CSMD1: variants seen among roughly 807,000 people sequenced by gnomAD.
The protein encoded by CSMD1 is CUB and Sushi multiple domains 1.
In CSMD1, 213 loss-of-function variants were observed where a neutral mutation model predicts 417.5. That is an observed-to-expected ratio of 0.51 (90% CI 0.46 to 0.57). CSMD1 has a LOEUF of 0.57. Ranked by LOEUF, CSMD1 falls within the 20% of genes least tolerant of loss-of-function variation. The pLI is 0.00. For missense variants in CSMD1, 6,923 were observed against 4,529.7 expected, an observed-to-expected ratio of 1.53 and a Z score of -15.17; for synonymous variants, 2,862 against 1,736.8, an observed-to-expected ratio of 1.65 and a Z score of -16.11.
intron 54 of CSMD1, among the ~76,000 whole-genome samples, chr8:2,982,817 G>A (rs1367722853): frequency 3.3e-5 from 5 of 152,134 alleles, no homozygotes; most frequent in Non-Finnish European, 7.3e-5. Context: ...ACAGAGAAAC[G>A]TGATAATTCC....
intron 6 of CSMD1, among the ~76,000 whole-genome samples, chr8:3,732,722 T>G (rs2048642695): frequency 6.6e-6 from 1 of 152,152 alleles, no homozygotes; most frequent in Admixed American, 6.5e-5. Flanking sequence ...CCAGATGAAC[T>G]GAACCTTCAA....
chr8:3,970,525 C>G (rs568578645), intron 5 of CSMD1, among the ~76,000 whole-genome samples: 3 of 151,968 alleles, frequency 2.0e-5, no homozygotes, highest in African/African-American at 7.3e-5. Context: ...TCCAGGAGGA[C>G]GATTAAGGAC....
chr8:4,075,679 A>G (rs1799784374), intron 3 of CSMD1, among the ~76,000 whole-genome samples: 1 of 152,182 alleles, frequency 6.6e-6, no homozygotes, highest in African/African-American at 2.4e-5. Context: ...GTTTTGGAGC[A>G]CTGGATTCAT....
At chr8:3,249,849 G>A (rs538542222) in intron 26 of CSMD1, among the ~76,000 whole-genome samples, 2 of 152,260 alleles carry the variant, frequency 1.3e-5, no homozygotes, top group South Asian at 2.1e-4. Flanking sequence ...ATGGCTAATG[G>A]CACTGTGTTT....
chr8:3,109,497 A>C (rs1351136256), intron 43 of CSMD1, among the ~76,000 whole-genome samples: 1 of 151,936 alleles, frequency 6.6e-6, no homozygotes, highest in African/African-American at 2.4e-5. Flanking sequence ...TACTTCCACA[A>C]CCTCAAAGCC....
intron 7 of CSMD1, among the ~76,000 whole-genome samples, chr8:3,650,779 G>C (rs943921769): frequency 3.3e-5 from 5 of 152,124 alleles, no homozygotes; most frequent in Non-Finnish European, 5.9e-5. Flanking sequence ...TTTTTCTAAA[G>C]AGTTTCCACC....
intron 6 of CSMD1, among the ~76,000 whole-genome samples, chr8:3,730,463 G>T (rs1245847149): frequency 6.8e-6 from 1 of 147,384 alleles, no homozygotes; most frequent in Middle Eastern, 3.4e-3. Flanking sequence ...TGTCTAAGAA[G>T]GCTCTCAAGA....
intron 26 of CSMD1, among the ~76,000 whole-genome samples, chr8:3,252,992 G>A (rs1297213938): frequency 1.3e-5 from 2 of 152,010 alleles, no homozygotes; most frequent in Non-Finnish European, 2.9e-5. Flanking sequence ...TATCAATTTT[G>A]TTGATCTTTT....
At position 3,872,632 on chromosome 8, in the gene CSMD1, T is replaced by A. The variant is rs923933481; in HGVS notation, c.819-118590A>T. ...CATGTCAGTTTCCACAATCCATTCA[T>A]TTTCTCTTAATTTATTAATGAGTTT... On this transcript the variant is annotated intron_variant, in intron 5 of 69. Transcript: ENST00000635120. 1.8e-4 allele frequency among the ~76,000 whole-genome samples: 28 copies of A among 152,260 alleles called. 1 individual carries two copies. Among genetic ancestry groups the A allele is most frequent in the Middle Eastern group, 6.8e-3 (2 of 294 alleles).
intron 52 of CSMD1, among the ~76,000 whole-genome samples, 189 bp from the exon 53 acceptor site, chr8:3,000,320 T>G (rs1368781634): frequency 1.3e-5 from 2 of 151,630 alleles, no homozygotes; most frequent in African/African-American, 4.8e-5. Flanking sequence ...TCAGAAATCC[T>G]GGAAAAAATA....
chr8:3,020,184 T>C (rs1809245147), intron 51 of CSMD1, among the ~76,000 whole-genome samples: 2 of 152,230 alleles, frequency 1.3e-5, no homozygotes, highest in African/African-American at 4.8e-5. Context: ...TCCTACTGCA[T>C]AGGCTTGTGC....
intron 3 of CSMD1, among the ~76,000 whole-genome samples, chr8:4,249,090 C>T (rs7011094): frequency 0.094 from 14,267 of 152,162 alleles, 982 homozygotes; most frequent in East Asian, 0.36. Context: ...TCATGATCAC[C>T]ACTACAGACT....
intron 10 of CSMD1, among the ~76,000 whole-genome samples, chr8:3,547,033 G>A (rs1463467812): frequency 2.6e-5 from 4 of 152,124 alleles, no homozygotes; most frequent in Non-Finnish European, 4.4e-5. Flanking sequence ...GCTGGTCAGG[G>A]CCCCTTCTCT....
In CSMD1 at chr8:3,217,106, G is replaced by C. The variant is rs571567427; in HGVS notation, c.4672+2149C>G. 2.4e-4 allele frequency among the ~76,000 whole-genome samples: 36 copies of C among 152,244 alleles called. 2 individuals are homozygous for C. In the South Asian group the frequency reaches 5.4e-3, roughly 23 times the overall value. ...TGGATACAATAGCATCACTGCCCTA[G>C]GCTGGATGCAATGGCATCACTGCTC... On this transcript the variant is annotated intron_variant, in intron 29 of 69. Transcript: ENST00000635120.
chr8:3,929,713 G>A (rs538602923), intron 5 of CSMD1, among the ~76,000 whole-genome samples: 1 of 149,518 alleles, frequency 6.7e-6, no homozygotes, highest in East Asian at 2.0e-4. Flanking sequence ...CCAGGCTGGA[G>A]TGCATTGGCA....
chr8:4,384,880 T>TTC (rs1803343700), intron 3 of CSMD1, among the ~76,000 whole-genome samples: 1 of 127,914 alleles, frequency 7.8e-6, no homozygotes, highest in Non-Finnish European at 1.9e-5. Context: ...ACTGCTCTAA[T>TTC]TTCTGGTGAC....
At position 3,815,568 on chromosome 8, in the gene CSMD1, G is replaced by A. The variant is rs182671920; in HGVS notation, c.819-61526C>T. On this transcript the variant is annotated intron_variant, in intron 5 of 69. Transcript: ENST00000635120. The stretch of plus-strand genomic sequence containing the variant: ...AAAACTGTGCTTTTGAAAAAATACT[G>A]CTTTGAAATTACATAAAAATTAATA... Among the ~76,000 whole-genome samples, 11 of 150,634 alleles carry A rather than the reference G, an allele frequency of 7.3e-5. No homozygotes were observed. In the East Asian group the frequency reaches 1.4e-3, roughly 19 times the overall value.
At chr8:4,122,679 G>A (rs923502564) in intron 3 of CSMD1, among the ~76,000 whole-genome samples, 2 of 152,132 alleles carry the variant, frequency 1.3e-5, no homozygotes, top group African/African-American at 2.4e-5. Flanking sequence ...GACCCTCAGG[G>A]GCTGCAGCTG....
At chr8:3,149,409 T>G (rs917963586) in intron 40 of CSMD1, among the ~76,000 whole-genome samples, 10 of 152,096 alleles carry the variant, frequency 6.6e-5, no homozygotes, top group African/African-American at 1.4e-4. Flanking sequence ...GTTTCACTTT[T>G]TTGTTGTTGT....
Sources: allele counts gnomAD v4.1 joint callset (sites outside exome capture counted in the v4.1 genomes callset), GRCh38; gene constraint gnomAD v4.1.1; transcripts MANE v1.5; gene names NCBI Gene and HGNC (gene_info 2026-07-23, HGNC 2026-07-21).